The following MYOF variants were observed in gnomAD, a reference collection of about 807,000 sequenced individuals.
The protein encoded by MYOF is fer-1-like 3, myoferlin.
Under a neutral mutation model 284.2 loss-of-function variants are expected in MYOF, and 244 were observed. The ratio of observed to expected loss-of-function variants is 0.86; its 90% CI spans 0.77 to 0.95. The LOEUF (loss-of-function observed/expected upper bound fraction) is 0.95, where lower values mean the gene tolerates loss of function less well. Among genes scored for constraint, MYOF ranks in the 40% least tolerant of loss-of-function variants. The pLI, the probability that MYOF is intolerant of heterozygous loss-of-function variation, is 0.00. For missense variants in MYOF, 2,496 were observed against 2,560.6 expected, an observed-to-expected ratio of 0.97 and a Z score of 0.54; for synonymous variants, 904 against 919.7, an observed-to-expected ratio of 0.98 and a Z score of 0.31.
At chr10:93,381,506 T>C in intron 19 of MYOF, 110 bp from the exon 20 acceptor site, 1 of 1,130,412 alleles carries the variant, frequency 8.8e-7, no homozygotes, top group Non-Finnish European at 1.3e-6. Context: ...CTGAATTAAA[T>C]GACAGGGGAG....
At position 93,308,471 on chromosome 10, in the gene MYOF, G is replaced by A. The variant is rs113261611; in HGVS notation, c.6148-1470C>T. On this transcript the variant is annotated intron_variant, in intron 53 of 53. Transcript: ENST00000359263. ...GTGGTGGCAGGCACCTGTAATCCCA[G>A]CTACTCGGGAGGCTGAGGCATGAGA... is the stretch of plus-strand genomic sequence containing the variant. Among the ~76,000 whole-genome samples the A allele has an allele frequency of 4.9e-3, 741 of 149,888 alleles. 7 individuals carry two copies. Among genetic ancestry groups the A allele is most frequent in the African/African-American group, 0.017 (709 of 40,764 alleles).
At chr10:93,381,472 C>T in intron 19 of MYOF, 76 bp from the exon 20 acceptor site, 1 of 1,406,544 alleles carries the variant, frequency 7.1e-7, no homozygotes, top group Non-Finnish European at 9.9e-7. Flanking sequence ...CTAGGAGACG[C>T]AATTCTACAC....
intron 5 of MYOF, among the ~76,000 whole-genome samples, chr10:93,416,742 C>T (rs915190746): frequency 4.6e-5 from 7 of 151,760 alleles, no homozygotes; most frequent in Admixed American, 3.3e-4. Flanking sequence ...GGACTATAGG[C>T]GCACACCACC....
chr10:93,378,907 G>A (rs527633102), intron 21 of MYOF, among the ~76,000 whole-genome samples: 24 of 151,420 alleles, frequency 1.6e-4, no homozygotes, highest in African/African-American at 5.8e-4. Context: ...GTAGAGACAG[G>A]GTTTCACCAT....
intron 52 of MYOF, 41 bp from the exon 53 acceptor site, chr10:93,310,208 G>A (rs139548258): frequency 3.1e-5 from 49 of 1,602,040 alleles, no homozygotes; most frequent in East Asian, 2.5e-4. Flanking sequence ...CAACTCAGGA[G>A]GGATGCATAT....
At chr10:93,378,804 C>T (rs965101604) in intron 21 of MYOF, among the ~76,000 whole-genome samples, 3 of 150,546 alleles carry the variant, frequency 2.0e-5, no homozygotes, top group African/African-American at 7.3e-5. Flanking sequence ...CCTCCGTCTC[C>T]CGGGTTCAAG....
intron 36 of MYOF, among the ~76,000 whole-genome samples, chr10:93,348,579 T>C (rs1255005347): frequency 6.6e-6 from 1 of 151,914 alleles, no homozygotes; most frequent in African/African-American, 2.4e-5. Flanking sequence ...GAGGGAGGTG[T>C]GGGGAGTAGA....
At chr10:93,334,451 A>T (rs144962942) in intron 41 of MYOF, among the ~76,000 whole-genome samples, 1 of 152,156 alleles carries the variant, frequency 6.6e-6, no homozygotes, top group East Asian at 1.9e-4. Context: ...CTGGCACAGC[A>T]CTGGCCTCTG....
chr10:93,441,011 A>G lies in MYOF; in HGVS notation c.237-9495T>C, dbSNP rs185431231. Among the ~76,000 whole-genome samples, 7 of 152,320 alleles carry G rather than the reference A, an allele frequency of 4.6e-5. No homozygotes were observed. In the East Asian group the frequency reaches 1.4e-3, roughly 29 times the overall value. On this transcript the variant is annotated intron_variant, in intron 3 of 53. Transcript: ENST00000359263. The stretch of plus-strand genomic sequence containing the variant: ...GTGTCATTGCTCTAATACAGAACTA[A>G]AAAGAAATCAGAACTGAGAGTTCTG...
intron 37 of MYOF, among the ~76,000 whole-genome samples, chr10:93,346,102 A>G (rs1370329667): frequency 6.6e-6 from 1 of 152,162 alleles, no homozygotes; most frequent in Non-Finnish European, 1.5e-5. Context: ...AATTACAACA[A>G]TCCTTGTTGT....
At chr10:93,461,974 C>A (rs1336185013) in intron 1 of MYOF, among the ~76,000 whole-genome samples, 3 of 152,158 alleles carry the variant, frequency 2.0e-5, no homozygotes, top group African/African-American at 4.8e-5. Context: ...GACCACAGAC[C>A]AGGTGGAGCT....
intron 1 of MYOF, among the ~76,000 whole-genome samples, chr10:93,464,507 G>T: frequency 6.6e-6 from 1 of 152,160 alleles, no homozygotes; most frequent in Non-Finnish European, 1.5e-5. Flanking sequence ...TAAAAATCCT[G>T]CAGGGAAAAG....
rs187824042 is a variant in MYOF at position 93,417,960 on chromosome 10, G to A, written c.433+8111C>T. Among the ~76,000 whole-genome samples the A allele has an allele frequency of 2.0e-5, 3 of 152,174 alleles. No individual in the cohort carries two copies. The East Asian group carries it at 5.8e-4, about 29-fold the overall frequency. On this transcript the variant is annotated intron_variant, in intron 5 of 53. Transcript: ENST00000359263. ...TTACAGACGTGCATCATCACACCCA[G>A]CTAACTATTTTTATTTTTTTGGAGA...
chr10:93,317,162 A>C (rs2133741118), intron 49 of MYOF, among the ~76,000 whole-genome samples: 1 of 129,352 alleles, frequency 7.7e-6, no homozygotes, highest in African/African-American at 2.8e-5. Flanking sequence ...ATTCTAGATC[A>C]GCCCACAGTA....
intron 51 of MYOF, among the ~76,000 whole-genome samples, chr10:93,311,285 A>G (rs960840034): frequency 3.3e-5 from 5 of 152,158 alleles, no homozygotes; most frequent in Non-Finnish European, 7.4e-5. Context: ...AAATGAGAAC[A>G]GTGAGGCCAA....
At chr10:93,332,360 T>C (rs1667697632) in intron 43 of MYOF, among the ~76,000 whole-genome samples, 1 of 151,848 alleles carries the variant, frequency 6.6e-6, no homozygotes, top group Non-Finnish European at 1.5e-5. Context: ...GTAGCTGGGA[T>C]TACAGGTACA....
rs150331945 is a variant in MYOF at position 93,314,814 on chromosome 10, C to T, written c.5699-1604G>A. On this transcript the variant is annotated intron_variant, in intron 50 of 53. Transcript: ENST00000359263. ...TGTAATCCCAGCAATATTGGGAGGC[C>T]GAGGTGGGCAGATTACTTGAGCTCA... is the stretch of plus-strand genomic sequence containing the variant. Among the ~76,000 whole-genome samples, 543 of 152,166 alleles carry T rather than the reference C, an allele frequency of 3.6e-3. 1 individual carries two copies. Among genetic ancestry groups the T allele is most frequent in the Admixed American group, 0.019 (296 of 15,280 alleles).
intron 1 of MYOF, among the ~76,000 whole-genome samples, chr10:93,476,555 C>T (rs2057268937): frequency 1.3e-5 from 2 of 151,564 alleles, no homozygotes; most frequent in South Asian, 4.1e-4. Flanking sequence ...TTAATGTCCC[C>T]CACTGAAAAA....
chr10:93,351,053 A>G, intron 35 of MYOF, 144 bp downstream of exon 35: 1 of 837,662 alleles, frequency 1.2e-6, no homozygotes, highest in Non-Finnish European at 1.9e-6. Context: ...ACTCCCATGA[A>G]TACCTCCAGT....
Sources: allele counts gnomAD v4.1 joint callset (sites outside exome capture counted in the v4.1 genomes callset), GRCh38; gene constraint gnomAD v4.1.1; transcripts MANE v1.5; gene names NCBI Gene and HGNC (gene_info 2026-07-23, HGNC 2026-07-21).